Variants in FLT3 observed in about 807,000 individuals in gnomAD.
The protein encoded by FLT3 is fms related receptor tyrosine kinase 3, also known as receptor-type tyrosine-protein kinase FLT3.
In FLT3, 46 loss-of-function variants were observed where a neutral mutation model predicts 126.6. The ratio of observed to expected loss-of-function variants is 0.36; its 90% CI spans 0.29 to 0.46. FLT3 has a LOEUF of 0.46. Among genes scored for constraint, FLT3 ranks in the 20% least tolerant of loss-of-function variants. The probability of loss-of-function intolerance (pLI) is 1.00; values close to 1 mark genes in which losing one functional copy is unlikely to be tolerated. For missense variants in FLT3, 1,069 were observed against 1,190.3 expected (o/e 0.90, Z 1.50); for synonymous variants, 404 against 434.4 (o/e 0.93, Z 0.87).
At chr13:28,015,031 A>G (rs1871713708) in intron 22 of FLT3, 126 bp downstream of exon 22, 1 of 630,830 alleles carries the variant, frequency 1.6e-6, no homozygotes, top group Non-Finnish European at 2.8e-6. Flanking sequence ...CCTCACTTCT[A>G]TTTTTTAAAA....
intron 17 of FLT3, among the ~76,000 whole-genome samples, chr13:28,026,344 C>G (rs897548097): frequency 5.8e-5 from 6 of 103,416 alleles, no homozygotes; most frequent in African/African-American, 1.9e-4. Context: ...CAGAGCGAAA[C>G]TCTGTCTGAA....
Position 28,027,250 on chromosome 13 carries a change from G to A in FLT3, c.2054-9C>T, listed in dbSNP as rs1872889362. Reference sequence around the variant, plus strand: ...AATCAAGTAAATTGGTCCTGAAATAGTTACAGTTTCAATTATAGGCATACA... The same window carrying A: ...AATCAAGTAAATTGGTCCTGAAATAATTACAGTTTCAATTATAGGCATACA... On this transcript the variant is annotated splice_polypyrimidine_tract_variant and intron_variant, in intron 16 of 23. Coordinates refer to ENST00000241453, the MANE Select transcript of FLT3 (RefSeq NM_004119.3). 1 of 1,604,908 alleles carries A rather than the reference G, an allele frequency of 6.2e-7. No homozygotes were observed. Among genetic ancestry groups the A allele is most frequent in the Non-Finnish European group, 8.5e-7 (1 of 1,174,200 alleles).
At chr13:28,021,811 T>A (rs551522501) in intron 19 of FLT3, among the ~76,000 whole-genome samples, 1 of 151,716 alleles carries the variant, frequency 6.6e-6, no homozygotes, top group South Asian at 2.1e-4. Flanking sequence ...GGCGCCATCT[T>A]GGCTCACTGC....
chr13:28,082,293 T>C (rs1878378837), intron 1 of FLT3, among the ~76,000 whole-genome samples: 2 of 152,064 alleles, frequency 1.3e-5, no homozygotes, highest in Admixed American at 1.3e-4. Flanking sequence ...TAGGACTACA[T>C]GCACATACCA....
intron 2 of FLT3, among the ~76,000 whole-genome samples, chr13:28,062,271 G>C (rs1469004801): frequency 6.6e-6 from 1 of 152,124 alleles, no homozygotes; most frequent in African/African-American, 2.4e-5. Context: ...ATAACATTGG[G>C]CTGCATTTCT....
intron 9 of FLT3, among the ~76,000 whole-genome samples, chr13:28,041,486 G>A (rs1401757031): frequency 6.6e-6 from 1 of 152,162 alleles, no homozygotes. Context: ...ATAGAGTGTG[G>A]TTTGCCATGG....
intron 1 of FLT3, among the ~76,000 whole-genome samples, chr13:28,081,065 C>T (rs1458664032): frequency 1.3e-5 from 2 of 152,156 alleles, no homozygotes; most frequent in African/African-American, 4.8e-5. Flanking sequence ...GAATCTACTA[C>T]AAATTCTCTA....
intron 1 of FLT3, among the ~76,000 whole-genome samples, chr13:28,097,837 C>G (rs974708051): frequency 2.0e-5 from 3 of 152,100 alleles, no homozygotes; most frequent in African/African-American, 7.2e-5. Flanking sequence ...ATGTGCAGTT[C>G]AAGGCTTTGA....
intron 2 of FLT3, among the ~76,000 whole-genome samples, chr13:28,063,346 G>A (rs972145982): frequency 1.2e-4 from 19 of 152,122 alleles, no homozygotes; most frequent in Non-Finnish European, 2.9e-5. Context: ...TGGGTGTGGT[G>A]GTAGGCGCCT....
chr13:28,016,010 G>A (rs1484972575), intron 20 of FLT3, among the ~76,000 whole-genome samples: 1 of 152,156 alleles, frequency 6.6e-6, no homozygotes, highest in Non-Finnish European at 1.5e-5. Flanking sequence ...CCAGTCAGTT[G>A]CCTAGGGGTA....
rs537055761 is a variant in FLT3 at position 28,080,940 on chromosome 13, A to G, written c.44-10328T>C. ...CCTTTATCAAAAATAAATTGACCAT[A>G]TATTTTTGGTCAGTTTCTAGGTCGC... On this transcript the variant is annotated intron_variant, in intron 1 of 23. Transcript: ENST00000241453. Among the ~76,000 whole-genome samples, 5 of 152,272 alleles carry G rather than the reference A, an allele frequency of 3.3e-5. No homozygotes were observed. In the South Asian group the frequency reaches 1.0e-3, roughly 32 times the overall value.
intron 23 of FLT3, among the ~76,000 whole-genome samples, chr13:28,004,668 C>T (rs985475546): frequency 2.0e-5 from 3 of 152,032 alleles, no homozygotes; most frequent in South Asian, 2.1e-4. Flanking sequence ...TTTCAGGAAA[C>T]GTGTAGACAA....
In FLT3 at chr13:28,049,628, C is replaced by T. The variant is rs1337472570; in HGVS notation, c.882+7G>A. 6.2e-7 allele frequency: 1 copy of T among 1,613,962 alleles called. No individual in the cohort carries two copies. Among genetic ancestry groups the T allele is most frequent in the Non-Finnish European group, 8.5e-7 (1 of 1,179,942 alleles). ...TGCATTTTCAGAATACAAACTTGTC[C>T]TATTACCTCCTCGAGTGCTTTGTTT... On this transcript the variant is annotated splice_region_variant and intron_variant, in intron 7 of 23. Transcript: ENST00000241453.
At chr13:28,019,055 C>T (rs1262360448) in intron 19 of FLT3, among the ~76,000 whole-genome samples, 3 of 150,794 alleles carry the variant, frequency 2.0e-5, no homozygotes, top group Admixed American at 6.7e-5. Context: ...GCAACCTCTG[C>T]GTCCCAGGTT....
intron 2 of FLT3, among the ~76,000 whole-genome samples, chr13:28,063,434 C>T (rs1030155195): frequency 6.6e-6 from 1 of 152,140 alleles, no homozygotes; most frequent in Non-Finnish European, 1.5e-5. Context: ...GAGCCTAGAT[C>T]CCGCCAATGC....
chr13:28,018,537 A>G lies in FLT3; in HGVS notation c.2471T>C (p.Val824Ala), dbSNP rs1221240514. The change falls in exon 20 of 24, where the codon GTG (valine) becomes GCG (alanine). Residue 824 changes from valine to alanine, a missense_variant. Val to Ala is a moderately conservative substitution (Grantham distance 64). Coordinates refer to ENST00000241453, the MANE Select transcript of FLT3 (RefSeq NM_004119.3). ...CAATCCAAAGTCACATATCTTCACCACTTTCCCGTGGGTGACAAGCACGTT... is the reference window on the plus strand; with the variant it reads ...CAATCCAAAGTCACATATCTTCACCGCTTTCCCGTGGGTGACAAGCACGTT... The part of the protein sequence containing the change: ...ARNVLVTHGK[V>A]VKICDFGLAR... 1.9e-6 allele frequency: 3 copies of G among 1,614,090 alleles called. No individual in the cohort carries two copies. Among genetic ancestry groups the G allele is most frequent in the South Asian group, 1.1e-5 (1 of 91,076 alleles).
chr13:28,083,367 CT>C (rs1342598659), intron 1 of FLT3, among the ~76,000 whole-genome samples: 3 of 152,048 alleles, frequency 2.0e-5, no homozygotes, highest in Non-Finnish European at 4.4e-5. Context: ...CACCTGTTAT[CT>C]TTTTTATATA....
At chr13:28,085,787 T>C (rs1465752964) in intron 1 of FLT3, among the ~76,000 whole-genome samples, 1 of 152,028 alleles carries the variant, frequency 6.6e-6, no homozygotes, top group Non-Finnish European at 1.5e-5. Context: ...TTTTTCCCCA[T>C]CCATTTACTT....
chr13:28,037,455 T>A (rs1873938221), intron 9 of FLT3, among the ~76,000 whole-genome samples, 167 bp from the exon 10 acceptor site: 1 of 152,176 alleles, frequency 6.6e-6, no homozygotes, highest in South Asian at 2.1e-4. Flanking sequence ...CAAAGTGTGG[T>A]CCACAGACAG....
Sources: allele counts gnomAD v4.1 joint callset (sites outside exome capture counted in the v4.1 genomes callset), GRCh38; gene constraint gnomAD v4.1.1; transcripts MANE v1.5; gene names NCBI Gene and HGNC (gene_info 2026-07-23, HGNC 2026-07-21).